Variants in ZNF804A observed in about 807,000 individuals in gnomAD.
ZNF804A encodes zinc finger protein 804A.
Under a neutral mutation model 16.5 loss-of-function variants are expected in ZNF804A, and 2 were observed. That is an observed-to-expected ratio of 0.12 (90% confidence interval 0.05 to 0.38). ZNF804A has a LOEUF of 0.38. Among genes scored for constraint, ZNF804A ranks in the 10% least tolerant of loss-of-function variants. The pLI is 0.99. For missense variants in ZNF804A, 1,473 were observed against 1,390.7 expected (o/e 1.06, Z -0.94); for synonymous variants, 534 against 489.6 (o/e 1.09, Z -1.20).
At chr2:184,748,290 T>A (rs1233467845) in intron 1 of ZNF804A, among the ~76,000 whole-genome samples, 1 of 151,032 alleles carries the variant, frequency 6.6e-6, no homozygotes, top group African/African-American at 2.4e-5. Context: ...AACATCTGTT[T>A]TTTTTTTTGA....
At chr2:184,916,755 G>A (rs1354123349) in intron 2 of ZNF804A, among the ~76,000 whole-genome samples, 2 of 152,056 alleles carry the variant, frequency 1.3e-5, no homozygotes, top group African/African-American at 4.8e-5. Context: ...GGCTGAGGCA[G>A]GAGAATCGCT....
At position 184,763,963 on chromosome 2, in the gene ZNF804A, G is replaced by A. The variant is rs951503049; in HGVS notation, c.112-102406G>A. Among the ~76,000 whole-genome samples the A allele has an allele frequency of 2.6e-5, 4 of 151,744 alleles. No individual in the cohort carries two copies. The East Asian group carries it at 7.8e-4, about 29-fold the overall frequency. ...GCCCAAAATGCTTTTTCCTTTAATG[G>A]TCTCTATCTCTAACTTATACTGTCC... On this transcript the variant is annotated intron_variant, in intron 1 of 3. Coordinates refer to ENST00000302277, the MANE Select transcript of ZNF804A (RefSeq NM_194250.2).
At chr2:184,651,868 A>C (rs1691989375) in intron 1 of ZNF804A, among the ~76,000 whole-genome samples, 1 of 152,158 alleles carries the variant, frequency 6.6e-6, no homozygotes, top group African/African-American at 2.4e-5. Context: ...CAGCTTCTGT[A>C]GAAAGCAGTT....
rs1047719530 is a variant in ZNF804A at position 184,845,017 on chromosome 2, A to C, written c.112-21352A>C. Reference sequence around the variant, plus strand: ...GTCAATGGATAAGTCTGTTGAAGACATTTTTCATTTAAGGTATATTTAATT... The same window carrying C: ...GTCAATGGATAAGTCTGTTGAAGACCTTTTTCATTTAAGGTATATTTAATT... On this transcript the variant is annotated intron_variant, in intron 1 of 3. Transcript: ENST00000302277. Among the ~76,000 whole-genome samples, 4 of 151,864 alleles carry C rather than the reference A, an allele frequency of 2.6e-5. No individual in the cohort carries two copies. The East Asian group carries it at 7.7e-4, about 29-fold the overall frequency.
intron 2 of ZNF804A, among the ~76,000 whole-genome samples, chr2:184,898,651 A>G (rs1282038804): frequency 4.6e-5 from 7 of 152,072 alleles, no homozygotes; most frequent in African/African-American, 1.7e-4. Context: ...TAGATTGAAT[A>G]TAAGTGGCTT....
chr2:184,652,312 G>A (rs1298108120), intron 1 of ZNF804A, among the ~76,000 whole-genome samples: 1 of 152,044 alleles, frequency 6.6e-6, no homozygotes, highest in East Asian at 1.9e-4. Flanking sequence ...GGGAATGAGG[G>A]TTGATAAGCT....
At chr2:184,883,464 A>G (rs1009470526) in intron 2 of ZNF804A, among the ~76,000 whole-genome samples, 2 of 152,072 alleles carry the variant, frequency 1.3e-5, no homozygotes, top group Non-Finnish European at 2.9e-5. Context: ...TGGCAGAGAC[A>G]CACACACAAA....
chr2:184,655,194 A>C (rs1283062631), intron 1 of ZNF804A, among the ~76,000 whole-genome samples: 1 of 152,210 alleles, frequency 6.6e-6, no homozygotes, highest in Admixed American at 6.5e-5. Flanking sequence ...TAGAGCATAA[A>C]CAAGTGTGGC....
intron 1 of ZNF804A, among the ~76,000 whole-genome samples, chr2:184,803,402 A>C (rs1029489911): frequency 5.9e-5 from 9 of 151,530 alleles, no homozygotes; most frequent in Non-Finnish European, 1.3e-4. Context: ...CATAGCATTT[A>C]TTTTTTTCTA....
chr2:184,683,339 A>C (rs1047778157), intron 1 of ZNF804A, among the ~76,000 whole-genome samples: 1 of 152,188 alleles, frequency 6.6e-6, no homozygotes, highest in African/African-American at 2.4e-5. Flanking sequence ...CTCTTTCGCT[A>C]TACAACTTTA....
In ZNF804A at chr2:184,886,470, T is replaced by C. The variant is rs570111361; in HGVS notation, c.255+19958T>C. 1.4e-4 allele frequency among the ~76,000 whole-genome samples: 22 copies of C among 152,272 alleles called. No individual in the cohort carries two copies. The South Asian group carries it at 4.1e-3, about 29-fold the overall frequency. ...GGTGGCCCTCCTCTCACAGCTCCAC[T>C]AGGCGGTGCCCCAGTAGGGACACCG... is the stretch of plus-strand genomic sequence containing the variant. On this transcript the variant is annotated intron_variant, in intron 2 of 3. Transcript: ENST00000302277.
rs190410057 is a variant in ZNF804A at position 184,872,183 on chromosome 2, A to T, written c.255+5671A>T. Among the ~76,000 whole-genome samples, 3 of 152,290 alleles carry T rather than the reference A, an allele frequency of 2.0e-5. No homozygotes were observed. The East Asian group carries it at 5.8e-4, about 29-fold the overall frequency. ...TATGAAAATCTATTTTAAACCAAGAATAAATCTTCTGATCTGCTGATCAGA... is the reference window on the plus strand; with the variant it reads ...TATGAAAATCTATTTTAAACCAAGATTAAATCTTCTGATCTGCTGATCAGA... On this transcript the variant is annotated intron_variant, in intron 2 of 3. Coordinates refer to ENST00000302277, the MANE Select transcript of ZNF804A (RefSeq NM_194250.2).
intron 1 of ZNF804A, among the ~76,000 whole-genome samples, chr2:184,763,196 C>T (rs1304917217): frequency 6.6e-6 from 1 of 151,966 alleles, no homozygotes; most frequent in Non-Finnish European, 1.5e-5. Flanking sequence ...CCCTTAATAC[C>T]TTACAATGTG....
chr2:184,853,606 G>A (rs1036266406), intron 1 of ZNF804A, among the ~76,000 whole-genome samples: 1 of 151,494 alleles, frequency 6.6e-6, no homozygotes, highest in African/African-American at 2.4e-5. Flanking sequence ...TATCATGAGA[G>A]GATGTTGAGT....
chr2:184,889,633 C>G (rs1489251394), intron 2 of ZNF804A, among the ~76,000 whole-genome samples: 1 of 151,626 alleles, frequency 6.6e-6, no homozygotes, highest in Non-Finnish European at 1.5e-5. Context: ...TCTTTAAGTA[C>G]AGATATAGAT....
chr2:184,814,600 G>T (rs968708606), intron 1 of ZNF804A, among the ~76,000 whole-genome samples: 4 of 152,074 alleles, frequency 2.6e-5, no homozygotes, highest in African/African-American at 9.7e-5. Flanking sequence ...TCATTGAGAA[G>T]AATTTATTCA....
intron 1 of ZNF804A, among the ~76,000 whole-genome samples, chr2:184,749,104 T>G (rs1043433604): frequency 6.6e-6 from 1 of 151,532 alleles, no homozygotes; most frequent in African/African-American, 2.4e-5. Context: ...TTAGAATAGT[T>G]TTTTTCTAAT....
chr2:184,841,502 C>T (rs896474520), intron 1 of ZNF804A, among the ~76,000 whole-genome samples: 1 of 152,050 alleles, frequency 6.6e-6, no homozygotes, highest in Admixed American at 6.6e-5. Context: ...GGGTTTTTAA[C>T]AATTTATAAT....
intron 1 of ZNF804A, among the ~76,000 whole-genome samples, chr2:184,717,747 A>G (rs1693237761): frequency 1.3e-5 from 2 of 152,218 alleles, no homozygotes; most frequent in African/African-American, 2.4e-5. Flanking sequence ...TTACATGCAT[A>G]TAATGTGTAA....
Sources: allele counts gnomAD v4.1 joint callset (sites outside exome capture counted in the v4.1 genomes callset), GRCh38; gene constraint gnomAD v4.1.1; transcripts MANE v1.5; gene names NCBI Gene and HGNC (gene_info 2026-07-23, HGNC 2026-07-21).